LPP: variants seen among roughly 807,000 people sequenced by gnomAD.
The protein encoded by LPP is LIM domain containing preferred translocation partner in lipoma, also known as lipoma-preferred partner.
Under a neutral mutation model 60.4 loss-of-function variants are expected in LPP, and 38 were observed. The observed-to-expected ratio is 0.63, with a 90% CI of 0.49 to 0.83. LPP has a LOEUF of 0.83. Among genes scored for constraint, LPP ranks in the 40% least tolerant of loss-of-function variants. The pLI, the probability that LPP is intolerant of heterozygous loss-of-function variation, is 0.00. For synonymous variants in LPP, 328 were observed against 290.8 expected, an observed-to-expected ratio of 1.13 and a Z score of -1.30; for missense variants, 902 against 783.6, an observed-to-expected ratio of 1.15 and a Z score of -1.80.
At chr3:188,726,551 G>A (rs140360208) in intron 8 of LPP, among the ~76,000 whole-genome samples, 38 of 152,236 alleles carry the variant, frequency 2.5e-4, no homozygotes, top group African/African-American at 8.4e-4. Flanking sequence ...TACATAGCAG[G>A]TCAGATAGCA....
At chr3:188,845,914 G>A (rs12490086) in intron 9 of LPP, among the ~76,000 whole-genome samples, 33,489 of 152,148 alleles carry the variant, frequency 0.22, 5,358 homozygotes, top group East Asian at 0.8. Flanking sequence ...TCCAAACTTC[G>A]AGGCTTTGTC....
chr3:188,871,091 T>C (rs960165443), intron 10 of LPP, among the ~76,000 whole-genome samples: 8 of 152,264 alleles, frequency 5.3e-5, no homozygotes, highest in African/African-American at 1.9e-4. Flanking sequence ...AAATAATTAC[T>C]ACCAAAATGG....
intron 7 of LPP, among the ~76,000 whole-genome samples, chr3:188,646,582 A>G (rs1851143431): frequency 6.6e-6 from 1 of 152,224 alleles, no homozygotes; most frequent in South Asian, 2.1e-4. Context: ...GTGCATACAG[A>G]ATTACCCAAA....
At chr3:188,560,167 C>T (rs750397160) in intron 6 of LPP, among the ~76,000 whole-genome samples, 2 of 152,116 alleles carry the variant, frequency 1.3e-5, no homozygotes, top group Admixed American at 1.3e-4. Context: ...TAGAGAGCAT[C>T]TAACACAGAG....
rs185147028 is a variant in LPP, at chr3:188,375,385, G to T, written c.-9-30727G>T. Reference sequence around the variant, plus strand: ...TATTGATTATTGCCTCAATTTCAGAGCCTGTTATTGGTCTGTTCAGAGATT... The same window carrying T: ...TATTGATTATTGCCTCAATTTCAGATCCTGTTATTGGTCTGTTCAGAGATT... On this transcript the variant is annotated intron_variant, in intron 3 of 11. Coordinates refer to ENST00000617246, the MANE Select transcript of LPP (RefSeq NM_001375462.1). 2.4e-3 allele frequency among the ~76,000 whole-genome samples: 363 copies of T among 152,242 alleles called. 1 individual carries two copies. The highest frequency in any genetic ancestry group is 3.7e-3 in the Admixed American group (57 of 15,286).
intron 5 of LPP, among the ~76,000 whole-genome samples, chr3:188,499,870 T>C (rs1341865436): frequency 6.6e-6 from 1 of 152,188 alleles, no homozygotes; most frequent in Non-Finnish European, 1.5e-5. Context: ...TATTTTTTGA[T>C]GCTATTGTAT....
chr3:188,203,109 TAATATA>T (rs1334270447), intron 1 of LPP, among the ~76,000 whole-genome samples: 1 of 142,222 alleles, frequency 7.0e-6, no homozygotes, highest in Non-Finnish European at 1.5e-5. Context: ...TATTTATTTA[TAATATA>T]AATATAAAAT....
chr3:188,610,047 A>G lies in LPP; in HGVS notation c.1113+203A>G, dbSNP rs1397760876. On this transcript the variant is annotated intron_variant, in intron 7 of 11. Coordinates refer to ENST00000617246, the MANE Select transcript of LPP (RefSeq NM_001375462.1). The surrounding 1 kb of genome is among the most constrained non-coding windows in gnomAD (Gnocchi z 4.4). ...TAATATGGCCACTGTTTAGTATCAA[A>G]TGGAATTGCTTGCTCAATCTCAGAG... Among the ~76,000 whole-genome samples, 3 of 152,216 alleles carry G rather than the reference A, an allele frequency of 2.0e-5. No individual in the cohort carries two copies. The highest frequency in any genetic ancestry group is 2.1e-4 in the South Asian group (1 of 4,828).
chr3:188,241,966 G>C (rs1725046193), intron 2 of LPP, among the ~76,000 whole-genome samples: 1 of 152,182 alleles, frequency 6.6e-6, no homozygotes, highest in African/African-American at 2.4e-5. Context: ...TGGGCTGGTA[G>C]ATTTCATGAT....
chr3:188,432,754 A>T (rs1791234100), intron 4 of LPP, among the ~76,000 whole-genome samples: 1 of 152,094 alleles, frequency 6.6e-6, no homozygotes, highest in Non-Finnish European at 1.5e-5. Flanking sequence ...TTGTTGCTTA[A>T]ATTTCTAGTC....
intron 3 of LPP, among the ~76,000 whole-genome samples, chr3:188,377,458 G>A (rs1775483867): frequency 6.6e-6 from 1 of 151,730 alleles, no homozygotes; most frequent in African/African-American, 2.4e-5. Context: ...CATTCATTTT[G>A]TCGTCCATCA....
intron 5 of LPP, among the ~76,000 whole-genome samples, chr3:188,511,659 A>G (rs1815703585): frequency 6.6e-6 from 1 of 151,954 alleles, no homozygotes; most frequent in South Asian, 2.1e-4. Context: ...GTAACCCTAG[A>G]AAGTTCTCTT....
intron 3 of LPP, among the ~76,000 whole-genome samples, chr3:188,387,959 G>A (rs1398301369): frequency 2.0e-5 from 3 of 151,520 alleles, no homozygotes; most frequent in African/African-American, 7.3e-5. Flanking sequence ...GAATGTGTGA[G>A]TGAGTCAGCA....
At chr3:188,550,577 CAAAAAAA>C (rs67052080) in intron 6 of LPP, among the ~76,000 whole-genome samples, 6 of 66,918 alleles carry the variant, frequency 9.0e-5, no homozygotes, top group African/African-American at 3.8e-4. Flanking sequence ...GACTCCATCT[CAAAAAAA>C]AAAAAAAAAA....
intron 1 of LPP, among the ~76,000 whole-genome samples, chr3:188,221,492 G>A (rs974101968): frequency 3.3e-5 from 5 of 152,242 alleles, no homozygotes; most frequent in African/African-American, 4.8e-5. Context: ...TCTTTGGTGC[G>A]CCCCTGAATG....
intron 6 of LPP, among the ~76,000 whole-genome samples, chr3:188,531,861 A>C (rs1020593949): frequency 2.5e-4 from 38 of 152,310 alleles, no homozygotes; most frequent in African/African-American, 9.1e-4. Context: ...GATAATGGCA[A>C]ACCCCAATTT....
chr3:188,777,402 T>C (rs1560190916), intron 9 of LPP, among the ~76,000 whole-genome samples: 1 of 152,094 alleles, frequency 6.6e-6, no homozygotes, highest in Non-Finnish European at 1.5e-5. Context: ...TCAAATATTG[T>C]AGTGGGCATT....
In LPP at chr3:188,787,631, CTA is replaced by C. The variant is rs375526015; in HGVS notation, c.1410+27351_1410+27352del. Among the ~76,000 whole-genome samples the C allele has an allele frequency of 6.9e-4, 105 of 152,300 alleles. 2 individuals are homozygous for C. Among genetic ancestry groups the C allele is most frequent in the African/African-American group, 2.5e-3 (104 of 41,572 alleles). ...CTTGCAGCATTTAAAGATGTTGACT[CTA>C]TCTTTGTTTCATTTGACTTCTATAG... On this transcript the variant is annotated intron_variant, in intron 9 of 11. Coordinates refer to ENST00000617246, the MANE Select transcript of LPP (RefSeq NM_001375462.1).
intron 4 of LPP, among the ~76,000 whole-genome samples, chr3:188,416,003 G>A (rs1413478139): frequency 4.6e-5 from 7 of 152,016 alleles, no homozygotes; most frequent in Admixed American, 2.0e-4. Flanking sequence ...CTGGGTTTTC[G>A]AATGTATTAC....
Sources: gnomAD v4.1 joint callset for allele counts (sites outside exome capture counted in the v4.1 genomes callset) on GRCh38, gnomAD v4.1.1 for gene constraint, Gnocchi (gnomAD v3.1) non-coding constraint, MANE v1.5 for transcripts, NCBI Gene and HGNC (gene_info 2026-07-23, HGNC 2026-07-21) for gene names.